Variants in RELL1 observed in about 807,000 individuals in gnomAD.
RELL1 encodes RELT-like protein 1.
A neutral mutation model predicts 23.0 loss-of-function variants in RELL1; 10 were observed. The observed-to-expected ratio is 0.43, with a 90% confidence interval of 0.27 to 0.74. The LOEUF (loss-of-function observed/expected upper bound fraction) is 0.74. Among genes scored for constraint, RELL1 ranks in the 30% least tolerant of loss-of-function variants. The pLI is 0.19. For synonymous variants in RELL1, 146 were observed against 146.8 expected, an observed-to-expected ratio of 0.99 and a Z score of 0.04; for missense variants, 315 against 364.4, an observed-to-expected ratio of 0.86 and a Z score of 1.10.
downstream of RELL1, among the ~76,000 whole-genome samples, chr4:37,606,818 A>G (rs1321784042): frequency 6.6e-6 from 1 of 152,224 alleles, no homozygotes; most frequent in East Asian, 1.9e-4. This position sits in a 1 kb window ranked among gnomAD's most constrained non-coding sequence, Gnocchi z 4.1. Flanking sequence ...GTGAAAGTTT[A>G]AGCAGAAATA....
intron 1 of RELL1, among the ~76,000 whole-genome samples, chr4:37,681,140 C>T (rs958270444): frequency 6.6e-6 from 1 of 152,204 alleles, no homozygotes; most frequent in East Asian, 1.9e-4. Flanking sequence ...CTACTTAACT[C>T]CTATGCAACA....
intron 4 of RELL1, among the ~76,000 whole-genome samples, chr4:37,636,084 C>A (rs1039897525): frequency 2.0e-5 from 3 of 152,164 alleles, no homozygotes; most frequent in Non-Finnish European, 2.9e-5. Flanking sequence ...TTATTAATTT[C>A]TTCCTTTTAA....
chr4:37,596,154 C>T (rs1642784196), intron 6 of RELL1, among the ~76,000 whole-genome samples: 1 of 152,190 alleles, frequency 6.6e-6, no homozygotes, highest in African/African-American at 2.4e-5. Flanking sequence ...CCGGCTGTGC[C>T]TCTTGCTCGC....
intron 6 of RELL1, among the ~76,000 whole-genome samples, chr4:37,619,782 G>A (rs1399769313): frequency 1.3e-5 from 2 of 151,948 alleles, no homozygotes; most frequent in African/African-American, 2.4e-5. Flanking sequence ...TGTTGCCCAG[G>A]CTGGTCTCAA....
intron 1 of RELL1, among the ~76,000 whole-genome samples, chr4:37,668,761 A>G (rs1218100410): frequency 2.4e-5 from 3 of 125,698 alleles, no homozygotes; most frequent in Admixed American, 7.5e-5. Context: ...CATCCCATCT[A>G]GGAAGTGAGG....
chr4:37,649,779 T>C (rs958640011), intron 1 of RELL1, among the ~76,000 whole-genome samples: 2 of 152,246 alleles, frequency 1.3e-5, no homozygotes, highest in African/African-American at 4.8e-5. Flanking sequence ...GTATACAGGG[T>C]TGTCGTGAAG....
chr4:37,640,605 C>T (rs1270805959), intron 3 of RELL1, among the ~76,000 whole-genome samples: 1 of 152,254 alleles, frequency 6.6e-6, no homozygotes, highest in East Asian at 1.9e-4. Flanking sequence ...TCTCCCCCTC[C>T]CCCATACACT....
intron 3 of RELL1, among the ~76,000 whole-genome samples, chr4:37,646,709 ATATTAT>A (rs1168467416): frequency 1.3e-5 from 2 of 152,160 alleles, no homozygotes; most frequent in South Asian, 4.2e-4. Context: ...TGTGAAGTAA[ATATTAT>A]TATTATTATT....
At chr4:37,593,332 A>G (rs535424494) in intron 6 of RELL1, among the ~76,000 whole-genome samples, 1 of 151,298 alleles carries the variant, frequency 6.6e-6, no homozygotes, top group East Asian at 1.9e-4. Context: ...TGGCCCGTGT[A>G]TCAATGACCC....
chr4:37,644,572 C>T (rs1208522601), intron 3 of RELL1, among the ~76,000 whole-genome samples: 2 of 151,542 alleles, frequency 1.3e-5, no homozygotes, highest in Non-Finnish European at 2.9e-5. Context: ...TCAAGTGATT[C>T]TCCTGCCTCA....
intron 1 of RELL1, among the ~76,000 whole-genome samples, chr4:37,683,431 T>A (rs1722286123): frequency 6.6e-6 from 1 of 152,330 alleles, no homozygotes; most frequent in African/African-American, 2.4e-5. Context: ...TGGAAGTAAG[T>A]ATTTCACAGG....
rs58193872 is a variant in RELL1, at chr4:37,595,593, A to ACATGGTGTAATAAAGGTATG, written c.*4-4377_*4-4376insCATACCTTTATTACACCATG. Among the ~76,000 whole-genome samples, 1,382 of 152,218 alleles carry ACATGGTGTAATAAAGGTATG rather than the reference A, an allele frequency of 9.1e-3. 45 individuals are homozygous for ACATGGTGTAATAAAGGTATG. Among genetic ancestry groups the ACATGGTGTAATAAAGGTATG allele is most frequent in the African/African-American group, 0.032 (1,338 of 41,468 alleles). On this transcript the variant is annotated intron_variant, in intron 6 of 6. Transcript: ENST00000314117. ...TTGTGACATGGTGTAATAAAGGTAT[A>ACATGGTGTAATAAAGGTATG]CATGGTGTAATAAAGGATGTGGGAG...
At chr4:37,596,736 A>ATATATATATATATATAT (rs1365185216) in intron 6 of RELL1, among the ~76,000 whole-genome samples, 1 of 16,508 alleles carries the variant, frequency 6.1e-5, no homozygotes, top group Non-Finnish European at 1.5e-4. Flanking sequence ...ATATATATAT[A>ATATATATATATATATAT]TTTTTTTTTT....
At chr4:37,632,976 A>G (rs1010486211) in intron 5 of RELL1, among the ~76,000 whole-genome samples, 3 of 152,230 alleles carry the variant, frequency 2.0e-5, no homozygotes, top group Non-Finnish European at 4.4e-5. Context: ...AAGAAATAAC[A>G]GGGAAACTGT....
At chr4:37,655,899 G>A (rs571979202) in intron 1 of RELL1, among the ~76,000 whole-genome samples, 130 of 152,312 alleles carry the variant, frequency 8.5e-4, no homozygotes, top group Non-Finnish European at 1.5e-3. Context: ...ACTAAAATAC[G>A]AAGGAACTGC....
At chr4:37,618,089 A>AAAAACTGAGCCATGCTGC (rs1719633932) in intron 6 of RELL1, among the ~76,000 whole-genome samples, 1 of 152,234 alleles carries the variant, frequency 6.6e-6, no homozygotes, top group Admixed American at 6.5e-5. Flanking sequence ...TCGACGCAAG[A>AAAAACTGAGCCATGCTGC]AAAACTGAGC....
intron 6 of RELL1, among the ~76,000 whole-genome samples, chr4:37,601,384 C>T (rs932851209): frequency 2.6e-5 from 4 of 152,172 alleles, no homozygotes; most frequent in African/African-American, 9.7e-5. Flanking sequence ...CTGGCCTGTA[C>T]TAAGTGCATT....
Position 37,647,350 on chromosome 4 carries a change from A to C in RELL1, c.385+18T>G. The C allele has an allele frequency of 6.3e-7, 1 of 1,586,856 alleles. No homozygotes were observed. Among genetic ancestry groups the C allele is most frequent in the South Asian group, 1.1e-5 (1 of 90,346 alleles). Reference sequence around the variant, plus strand: ...GATAGGAATACTGAATTGTTTTGGAACACTAAAATGTTCACACCTTCATTT... The same window carrying C: ...GATAGGAATACTGAATTGTTTTGGACCACTAAAATGTTCACACCTTCATTT... On this transcript the variant is annotated intron_variant, in intron 3 of 6. Transcript: ENST00000454158.
chr4:37,592,458 T>C (rs541893169), intron 6 of RELL1, among the ~76,000 whole-genome samples: 2 of 152,092 alleles, frequency 1.3e-5, no homozygotes, highest in East Asian at 3.8e-4. Flanking sequence ...TCAAACTTGA[T>C]GCCATAACTA....
Sources: allele counts gnomAD v4.1 joint callset (sites outside exome capture counted in the v4.1 genomes callset), GRCh38; gene constraint gnomAD v4.1.1; non-coding constraint Gnocchi (gnomAD v3.1); transcripts MANE v1.5; gene names NCBI Gene and HGNC (gene_info 2026-07-23, HGNC 2026-07-21).